KIAA1549: variants seen among roughly 807,000 people sequenced by gnomAD.
KIAA1549 encodes KIAA1549.
In KIAA1549, 70 loss-of-function variants were observed where a neutral mutation model predicts 156.4. The observed-to-expected ratio is 0.45, with a 90% CI of 0.37 to 0.55. The LOEUF is 0.55. Among genes scored for constraint, KIAA1549 ranks in the 20% least tolerant of loss-of-function variants. The probability of loss-of-function intolerance (pLI) is 0.00; values close to 1 mark genes in which losing one functional copy is unlikely to be tolerated. For missense variants in KIAA1549, 2,428 were observed against 2,540.9 expected, an observed-to-expected ratio of 0.96 and a Z score of 0.96; for synonymous variants, 1,103 against 1,066.4, an observed-to-expected ratio of 1.03 and a Z score of -0.67.
chr7:138,910,287 C>A (rs913985184), intron 4 of KIAA1549, among the ~76,000 whole-genome samples: 1 of 152,126 alleles, frequency 6.6e-6, no homozygotes, highest in Admixed American at 6.5e-5. Flanking sequence ...CCCGTAATCC[C>A]AGCACTTTGG....
Position 138,833,697 on chromosome 7 carries a change from C to A in KIAA1549, c.*4209G>T, listed in dbSNP as rs992385800. 4.3e-6 allele frequency: 1 copy of A among 232,782 alleles called. No homozygotes were observed. The highest frequency in any genetic ancestry group is 2.2e-5 in the African/African-American group (1 of 45,270). The allele number at this position is 232,782 out of a possible 1,614,324, so 14.4% of individuals were successfully genotyped here. A position where few individuals can be genotyped will look rare whatever the true frequency, so the allele number is the denominator to read the frequency against. ...CATAGACAGACAGACAGATAGATAA[C>A]CCACTATGCTCCACAAAGGATATGG... On this transcript the variant is annotated 3_prime_UTR_variant, in exon 20 of 20. Transcript: ENST00000422774.
chr7:138,873,092 G>A (rs534742906), intron 12 of KIAA1549, among the ~76,000 whole-genome samples: 13 of 152,298 alleles, frequency 8.5e-5, no homozygotes, highest in East Asian at 1.9e-4. Context: ...GTCTCTCCTC[G>A]GTGTAAAAAA....
intron 4 of KIAA1549, among the ~76,000 whole-genome samples, chr7:138,910,933 G>A (rs1165163314): frequency 6.6e-6 from 1 of 152,052 alleles, no homozygotes; most frequent in Non-Finnish European, 1.5e-5. Flanking sequence ...TCAGGAGGCT[G>A]AGGCAGGAGG....
chr7:138,951,220 C>T (rs1212745548), intron 1 of KIAA1549, among the ~76,000 whole-genome samples: 2 of 152,160 alleles, frequency 1.3e-5, no homozygotes, highest in Admixed American at 1.3e-4. Flanking sequence ...CATGAGCCAC[C>T]ATGCCCAGCC....
chr7:138,961,926 T>C (rs1813865726), intron 1 of KIAA1549, among the ~76,000 whole-genome samples: 1 of 151,620 alleles, frequency 6.6e-6, no homozygotes, highest in South Asian at 2.1e-4. Context: ...AGACATCAAC[T>C]TCCTCAATAG....
At chr7:138,961,098 G>A (rs918825372) in intron 1 of KIAA1549, among the ~76,000 whole-genome samples, 7 of 152,268 alleles carry the variant, frequency 4.6e-5, no homozygotes, top group Admixed American at 1.3e-4. Flanking sequence ...TCCGGGTGAC[G>A]GCCAATGCCC....
At chr7:138,973,623 C>T (rs1279254336) in intron 1 of KIAA1549, among the ~76,000 whole-genome samples, 1 of 152,148 alleles carries the variant, frequency 6.6e-6, no homozygotes, top group Non-Finnish European at 1.5e-5. Context: ...TCTATGACTT[C>T]AACTACCATC....
At chr7:138,962,180 G>C (rs964721756) in intron 1 of KIAA1549, among the ~76,000 whole-genome samples, 1 of 152,196 alleles carries the variant, frequency 6.6e-6, no homozygotes, top group African/African-American at 2.4e-5. Flanking sequence ...CAACTTCCTA[G>C]AAGAATGCCT....
chr7:138,908,033 G>A (rs1024805687), intron 5 of KIAA1549, among the ~76,000 whole-genome samples: 7 of 152,122 alleles, frequency 4.6e-5, no homozygotes, highest in African/African-American at 1.2e-4. Flanking sequence ...CAGACCCAGC[G>A]CTCCGACGAA....
At position 138,832,321 on chromosome 7, in the gene KIAA1549, C is replaced by T. The variant is rs1809559992; in HGVS notation, c.*5585G>A. 1.0e-5 allele frequency: 2 copies of T among 196,028 alleles called. No homozygotes were observed. Among genetic ancestry groups the T allele is most frequent in the African/African-American group, 2.3e-5 (1 of 42,956 alleles). 12.1% of individuals were successfully genotyped at this position (196,028 alleles called of 1,614,324 possible). On this transcript the variant is annotated 3_prime_UTR_variant, in exon 20 of 20. Transcript: ENST00000422774. Reference sequence around the variant, plus strand: ...AAGCGATCCTCCAGTCTTAGCCTTTCGAGTAGCTGGGACTACTGGCACATG... The same window carrying T: ...AAGCGATCCTCCAGTCTTAGCCTTTTGAGTAGCTGGGACTACTGGCACATG...
At chr7:138,908,939 T>C (rs1250074051) in intron 5 of KIAA1549, 52 bp downstream of exon 5, 7 of 1,603,828 alleles carry the variant, frequency 4.4e-6, no homozygotes, top group African/African-American at 2.7e-5. Context: ...TGTGGAACAA[T>C]TTCCCCTTCA....
At chr7:138,925,937 C>T (rs1330727691) in intron 1 of KIAA1549, among the ~76,000 whole-genome samples, 2 of 150,260 alleles carry the variant, frequency 1.3e-5, no homozygotes, top group South Asian at 2.1e-4. Flanking sequence ...GGCAGGCACA[C>T]GTTTTGGACT....
chr7:138,916,506 A>G (rs915632378), intron 2 of KIAA1549, among the ~76,000 whole-genome samples: 2 of 152,230 alleles, frequency 1.3e-5, no homozygotes, highest in Non-Finnish European at 2.9e-5. Context: ...CATCTGAACA[A>G]CAGCCCAATG....
chr7:138,832,191 C>CTTTTTTTTTTTTTTTTTTTTTTT lies in KIAA1549; in HGVS notation c.*5714_*5715insAAAAAAAAAAAAAAAAAAAAAAA, dbSNP rs749938588. 2 of 140,252 alleles carry CTTTTTTTTTTTTTTTTTTTTTTT rather than the reference C, an allele frequency of 1.4e-5. No homozygotes were observed. Among genetic ancestry groups the CTTTTTTTTTTTTTTTTTTTTTTT allele is most frequent in the African/African-American group, 6.7e-5 (2 of 29,852 alleles). The allele number at this position is 140,252 out of a possible 1,614,324, so 8.7% of individuals were successfully genotyped here. On this transcript the variant is annotated 3_prime_UTR_variant, in exon 20 of 20. Coordinates refer to ENST00000422774, the MANE Select transcript of KIAA1549 (RefSeq NM_001164665.2). Reference sequence around the variant, plus strand: ...TCACCTCTGTCCCTTTTACCTATTCCTTTTTTTTTTTTTTTTTTTTCCAGA... The same window carrying CTTTTTTTTTTTTTTTTTTTTTTT: ...TCACCTCTGTCCCTTTTACCTATTCCTTTTTTTTTTTTTTTTTTTTTTTTTTTTTTTTTTTTTTTTTTTCCAGA...
chr7:138,951,058 TTTTTG>T (rs201826819), intron 1 of KIAA1549, among the ~76,000 whole-genome samples: 2 of 152,016 alleles, frequency 1.3e-5, no homozygotes, highest in African/African-American at 4.8e-5. Flanking sequence ...TCTTCTGGTT[TTTTTG>T]TTTTGTTTTG....
chr7:138,926,122 A>C (rs1812710959), intron 1 of KIAA1549, among the ~76,000 whole-genome samples: 1 of 152,098 alleles, frequency 6.6e-6, no homozygotes, highest in Non-Finnish European at 1.5e-5. Context: ...TAAATTGTGG[A>C]GTTTCTAAAA....
At chr7:138,980,090 C>A (rs1219015500) in intron 1 of KIAA1549, among the ~76,000 whole-genome samples, 1 of 152,210 alleles carries the variant, frequency 6.6e-6, no homozygotes, top group African/African-American at 2.4e-5. Context: ...GCCCTGCTCC[C>A]ACGAGAAAGG....
chr7:138,833,456 C>A lies in KIAA1549; in HGVS notation c.*4450G>T. ...AACGGGAGACTCCTATAGCACAGAA[C>A]CGCGTGCTGGCTTTAGCCCAAAGCC... On this transcript the variant is annotated 3_prime_UTR_variant, in exon 20 of 20. Transcript: ENST00000422774. 4.3e-6 allele frequency: 1 copy of A among 232,792 alleles called. No individual in the cohort carries two copies. The highest frequency in any genetic ancestry group is 8.5e-6 in the Non-Finnish European group (1 of 117,748). 14.4% of individuals were successfully genotyped at this position (232,792 alleles called of 1,614,324 possible). A position where few individuals can be genotyped will look rare whatever the true frequency, so the allele number is the denominator to read the frequency against.
At chr7:138,939,065 CA>C (rs1361652027) in intron 1 of KIAA1549, among the ~76,000 whole-genome samples, 1 of 152,130 alleles carries the variant, frequency 6.6e-6, no homozygotes, top group Non-Finnish European at 1.5e-5. Context: ...CAGACATACA[CA>C]AAAGTTGAAA....
Sources: gnomAD v4.1 joint callset for allele counts (sites outside exome capture counted in the v4.1 genomes callset) on GRCh38, gnomAD v4.1.1 for gene constraint, MANE v1.5 for transcripts, NCBI Gene and HGNC (gene_info 2026-07-23, HGNC 2026-07-21) for gene names.